PHKA1: variants seen among roughly 807,000 people sequenced by gnomAD.
PHKA1 encodes the protein phosphorylase b kinase regulatory subunit alpha, skeletal muscle isoform.
PHKA1 carries 60 observed loss-of-function variants against 110.2 expected under a neutral mutation model. The observed-to-expected ratio is 0.54, with a 90% CI of 0.44 to 0.68. The LOEUF is 0.68. Among genes scored for constraint, PHKA1 ranks in the 30% least tolerant of loss-of-function variants. The pLI, the probability that PHKA1 is intolerant of heterozygous loss-of-function variation, is 0.00. For synonymous variants in PHKA1, 316 were observed against 333.6 expected (o/e 0.95, Z 0.58); for missense variants, 801 against 942.5 (o/e 0.85, Z 1.97).
intron 8 of PHKA1, among the ~76,000 whole-genome samples, chrX:72,665,373 C>T (rs983502071): frequency 9.0e-6 from 1 of 111,305 alleles, no homozygotes; most frequent in Admixed American, 9.6e-5. Flanking sequence ...AGACAAATAA[C>T]GAGTAATGGG....
intron 19 of PHKA1, among the ~76,000 whole-genome samples, chrX:72,620,039 G>A (rs2052953943): frequency 8.9e-6 from 1 of 112,006 alleles, no homozygotes; most frequent in African/African-American, 3.2e-5. Context: ...TATTATAAAT[G>A]TTAAATGATT....
At position 72,595,085 on chromosome X, in the gene PHKA1, A is replaced by C. The variant is rs782101676; in HGVS notation, c.3073-1811T>G. The stretch of plus-strand genomic sequence containing the variant: ...CCAAATTCAGTGATATACTAAAAGG[A>C]TTATACAACATGAAGTGGGACTGAT... On this transcript the variant is annotated intron_variant, in intron 28 of 31. Transcript: ENST00000373542. Among the ~76,000 whole-genome samples, 3 of 112,294 alleles carry C rather than the reference A, an allele frequency of 2.7e-5. No individual in the cohort carries two copies. In the East Asian group the frequency reaches 8.4e-4, roughly 31 times the overall value.
chrX:72,638,342 C>A (rs1297158000), intron 14 of PHKA1, among the ~76,000 whole-genome samples: 1 of 102,897 alleles, frequency 9.7e-6, no homozygotes, highest in African/African-American at 3.6e-5. Context: ...GAGTTTGTGA[C>A]CAGCCTGGGC....
At chrX:72,597,964 T>C (rs2052337266) in intron 28 of PHKA1, among the ~76,000 whole-genome samples, 2 of 111,448 alleles carry the variant, frequency 1.8e-5, no homozygotes, top group Non-Finnish European at 3.8e-5. Context: ...CCTTCTTAGA[T>C]ATGACACCAA....
rs1556298561 is a variant in PHKA1 at position 72,650,372 on chromosome X, G to A, written c.1324+18C>T. On this transcript the variant is annotated intron_variant, in intron 13 of 31. Transcript: ENST00000373542. Reference sequence around the variant, plus strand: ...CCTTTAATATAAAGTTTCTTCCACTGGGAATAAGAATACATACCTTGAACC... The same window carrying A: ...CCTTTAATATAAAGTTTCTTCCACTAGGAATAAGAATACATACCTTGAACC... The A allele has an allele frequency of 1.7e-6, 2 of 1,177,928 alleles. No individual in the cohort carries two copies. Among genetic ancestry groups the A allele is most frequent in the Non-Finnish European group, 2.3e-6 (2 of 865,043 alleles).
At chrX:72,609,298 C>T (rs1556256373) in intron 23 of PHKA1, among the ~76,000 whole-genome samples, 1 of 112,292 alleles carries the variant, frequency 8.9e-6, no homozygotes, top group African/African-American at 3.2e-5. Context: ...CATGGTCAGC[C>T]CTGTGCTCTA....
At chrX:72,636,512 C>G in intron 14 of PHKA1, 126 bp from the exon 15 acceptor site, 1 of 486,377 alleles carries the variant, frequency 2.1e-6, no homozygotes, top group South Asian at 3.0e-5. Context: ...CACACACACA[C>G]ATCCACTGTA....
chrX:72,619,608 A>G (rs782413150), intron 19 of PHKA1, among the ~76,000 whole-genome samples: 207 of 112,193 alleles, frequency 1.8e-3, no homozygotes, highest in Non-Finnish European at 3.3e-3. Context: ...ACTTTGATGG[A>G]ATACGACATA....
Position 72,713,214 on chromosome X carries a change from G to A in PHKA1, c.79-277C>T, listed in dbSNP as rs782239595. Among the ~76,000 whole-genome samples, 5 of 111,630 alleles carry A rather than the reference G, an allele frequency of 4.5e-5. 1 individual carries two copies. The South Asian group carries it at 1.9e-3, about 42-fold the overall frequency. On this transcript the variant is annotated intron_variant, in intron 1 of 31. Transcript: ENST00000373542. ...TTCATTGGAAAATTACCAAAATGACGTTTATTAACACATCTATTACCTCAC... is the reference window on the plus strand; with the variant it reads ...TTCATTGGAAAATTACCAAAATGACATTTATTAACACATCTATTACCTCAC...
chrX:72,595,397 T>C (rs2052576822), intron 28 of PHKA1, among the ~76,000 whole-genome samples: 1 of 110,652 alleles, frequency 9.0e-6, no homozygotes, highest in African/African-American at 3.3e-5. Context: ...AAGACAAGAA[T>C]GTCCACTCTT....
Position 72,580,537 on chromosome X carries a change from T to C in PHKA1, c.*465A>G, listed in dbSNP as rs2052321787. 7.9e-6 allele frequency: 1 copy of C among 126,457 alleles called. No homozygotes were observed. Among genetic ancestry groups the C allele is most frequent in the African/African-American group, 3.2e-5 (1 of 31,074 alleles). 10.4% of individuals were successfully genotyped at this position (126,457 alleles called of 1,213,427 possible). ...TTCTAATTTATAGCAGCATAAATAT[T>C]TAACAATTTAGAGTTTACTCATTTG... On this transcript the variant is annotated 3_prime_UTR_variant, in exon 32 of 32. Transcript: ENST00000373542.
In PHKA1 at chrX:72,602,162, T is replaced by C. The variant is rs1556244012; in HGVS notation, c.3029A>G (p.Lys1010Arg). The C allele has an allele frequency of 8.5e-7, 1 of 1,176,510 alleles. No homozygotes were observed. The highest frequency in any genetic ancestry group is 1.8e-5 in the South Asian group (1 of 55,999). The change falls in exon 27 of 32, where the codon AAG (lysine) becomes AGG (arginine). Residue 1010 changes from lysine to arginine, a missense_variant. Lys to Arg is a conservative substitution (Grantham distance 26). Around this residue, in one of 2 missense-constraint regions of PHKA1, gnomAD observed 502 missense variants for 519.2 expected, o/e 0.97. Coordinates refer to ENST00000373542, the MANE Select transcript of PHKA1 (RefSeq NM_002637.4). The stretch of plus-strand genomic sequence containing the variant: ...ATCTCCCAGGTAGTATCTTACCTGC[T>C]TTATCTCACTTTTTAACTGCATGAT... ...TGIMQLKSEI[K>R]QVEFRRLSIS...
At chrX:72,663,215 C>T (rs2053580135) in intron 8 of PHKA1, among the ~76,000 whole-genome samples, 1 of 109,068 alleles carries the variant, frequency 9.2e-6, no homozygotes, top group African/African-American at 3.3e-5. Flanking sequence ...AACTTTAACG[C>T]AGAAGAATTC....
rs72630058 is a variant in PHKA1, at chrX:72,660,958, C to T, written c.865-3317G>A. On this transcript the variant is annotated intron_variant, in intron 8 of 31. Transcript: ENST00000373542. ...TGACTTCGTAAGCTACTTAAGACAA[C>T]TTGCACCACTAAGAAAAAAATGCAG... Among the ~76,000 whole-genome samples the T allele has an allele frequency of 0.065, 7,263 of 111,897 alleles. 808 individuals are homozygous for T. The East Asian group carries it at 0.68, about 10-fold the overall frequency.
chrX:72,581,168 A>G lies in PHKA1; in HGVS notation c.3506T>C (p.Leu1169Pro). The change falls in exon 32 of 32, where the codon CTT (leucine) becomes CCT (proline). Residue 1169 changes from leucine (L) to proline (P), a missense_variant. Coordinates refer to ENST00000373542, the MANE Select transcript of PHKA1 (RefSeq NM_002637.4). ...NDLFLQEQKT[L>P]GADDTMLAKD... ...TGCCAACATGGTATCATCTGCGCCA[A>G]GGGTTTTCTGTTTGGTTTTTAAGGG... 1 of 1,187,386 alleles carries G rather than the reference A, an allele frequency of 8.4e-7. No individual in the cohort carries two copies. The highest frequency in any genetic ancestry group is 1.1e-6 in the Non-Finnish European group (1 of 873,436).
At chrX:72,657,678 A>G in intron 8 of PHKA1, 37 bp from the exon 9 acceptor site, 19 of 1,081,951 alleles carry the variant, frequency 1.8e-5, no homozygotes, top group Non-Finnish European at 2.3e-5. Flanking sequence ...CAGCTTGTAC[A>G]CTGGTACGGC....
At chrX:72,618,910 C>T in intron 20 of PHKA1, 61 bp from the exon 21 acceptor site, 1 of 1,021,230 alleles carries the variant, frequency 9.8e-7, no homozygotes, top group Non-Finnish European at 1.4e-6. Flanking sequence ...TAAATAATGT[C>T]CTAGAATGAG....
At chrX:72,617,848 A>T (rs2052920882) in intron 21 of PHKA1, among the ~76,000 whole-genome samples, 2 of 110,748 alleles carry the variant, frequency 1.8e-5, no homozygotes, top group South Asian at 7.7e-4. Context: ...AAAATAAAAA[A>T]AAAAAAGGAA....
At chrX:72,607,717 G>A (rs781973914) in intron 23 of PHKA1, among the ~76,000 whole-genome samples, 2 of 111,598 alleles carry the variant, frequency 1.8e-5, no homozygotes, top group Non-Finnish European at 3.8e-5. Context: ...TAGAATGGTC[G>A]ATGCTGAGTT....
Sources: gnomAD v4.1 joint callset for allele counts (sites outside exome capture counted in the v4.1 genomes callset) on GRCh38, gnomAD v4.1.1 for gene constraint, gnomAD v4.1.1 regional missense constraint, MANE v1.5 for transcripts, NCBI Gene and HGNC (gene_info 2026-07-23, HGNC 2026-07-21) for gene names.